LIPT1: variants seen among roughly 807,000 people sequenced by gnomAD.
The protein encoded by LIPT1 is lipoyltransferase 1.
A neutral mutation model predicts 25.1 loss-of-function variants in LIPT1; 22 were observed. The ratio of observed to expected loss-of-function variants is 0.88; its 90% confidence interval spans 0.63 to 1.25. The LOEUF (loss-of-function observed/expected upper bound fraction) is 1.25, where lower values mean the gene tolerates loss of function less well. Among genes scored for constraint, LIPT1 ranks in the 50% most tolerant of loss-of-function variants. The pLI is 0.00. For missense variants in LIPT1, 399 were observed against 432.8 expected, an observed-to-expected ratio of 0.92 and a Z score of 0.69; for synonymous variants, 131 against 150.8, an observed-to-expected ratio of 0.87 and a Z score of 0.96.
chr2:99,158,034 A>G (rs1553514895), intron 1 of LIPT1, among the ~76,000 whole-genome samples: 1 of 152,222 alleles, frequency 6.6e-6, no homozygotes, highest in Admixed American at 6.5e-5. Flanking sequence ...CTTTATATGT[A>G]TTAGCTCATC....
chr2:99,156,151 G>A (rs2093750684), intron 1 of LIPT1: 1 of 152,598 alleles, frequency 6.6e-6, no homozygotes, highest in Non-Finnish European at 1.5e-5. Context: ...TACGTGTTCA[G>A]GTGCTTAGAA....
At chr2:99,156,764 C>T (rs1232975823) in intron 1 of LIPT1, 1 of 152,208 alleles carries the variant, frequency 6.6e-6, no homozygotes, top group African/African-American at 2.4e-5. Context: ...CATGCATTGG[C>T]TCAATACATG....
rs943173715 is a variant in LIPT1 at position 99,155,013 on chromosome 2, G to C, written c.-40G>C. The C allele has an allele frequency of 1.1e-5, 5 of 455,892 alleles. No individual in the cohort carries two copies. Among genetic ancestry groups the C allele is most frequent in the South Asian group, 1.5e-5 (1 of 64,564 alleles). The allele number at this position is 455,892 out of a possible 1,614,324, so 28.2% of individuals were successfully genotyped here. On this transcript the variant is annotated 5_prime_UTR_variant, in exon 1 of 2. Transcript: ENST00000651691. The stretch of plus-strand genomic sequence containing the variant: ...GTCGTATGACGCACTTTTCCAGCTC[G>C]AGCCCTCACGAGGCCGTGGGTACGA...
rs576171217 is a variant in LIPT1, at chr2:99,162,927, C to T, written c.970C>T (p.Arg324Cys). The change falls in exon 2 of 2, where the codon CGT becomes TGT. Residue 324 changes from arginine to cysteine, a missense_variant. Coordinates refer to ENST00000651691, the MANE Select transcript of LIPT1 (RefSeq NM_145199.3). ...TGATCATTGGTTGCCATTGGAAATA[C>T]GTGACAAATTAAATTCAAGTCTTAT... ...APDHWLPLEIRDKLNSSLIGS... is the reference protein window; with the variant it reads ...APDHWLPLEICDKLNSSLIGS... The T allele has an allele frequency of 5.1e-5, 82 of 1,613,646 alleles. No homozygotes were observed. The highest frequency in any genetic ancestry group is 5.0e-4 in the Admixed American group (30 of 59,896).
chr2:99,158,963 C>T (rs1044984175), intron 1 of LIPT1, among the ~76,000 whole-genome samples: 1 of 152,152 alleles, frequency 6.6e-6, no homozygotes, highest in African/African-American at 2.4e-5. Flanking sequence ...GAGTCTTGCT[C>T]TGTCGCCCAG....
intron 1 of LIPT1, among the ~76,000 whole-genome samples, chr2:99,159,995 T>C (rs2093776168): frequency 6.6e-6 from 1 of 152,220 alleles, no homozygotes; most frequent in African/African-American, 2.4e-5. Flanking sequence ...TCCACACCTT[T>C]CTAGACAGAA....
Position 99,162,112 on chromosome 2 carries a change from A to G in LIPT1, c.155A>G (p.His52Arg). ...AATCTGGCTGTGGAAGACTGGATCCATGACCATATGAATCTAGAAGGCAAA... is the reference window on the plus strand; with the variant it reads ...AATCTGGCTGTGGAAGACTGGATCCGTGACCATATGAATCTAGAAGGCAAA... Reference protein sequence around the residue: ...YQNLAVEDWIHDHMNLEGKPI... With the variant: ...YQNLAVEDWIRDHMNLEGKPI... Residue 52 changes from histidine (H) to arginine (R), a missense_variant, in exon 2 of 2, where the codon CAT becomes CGT. Physicochemically the swap from His to Arg is conservative, Grantham distance 29. Transcript: ENST00000651691. 1 of 1,614,204 alleles carries G rather than the reference A, an allele frequency of 6.2e-7. No homozygotes were observed. The highest frequency in any genetic ancestry group is 8.5e-7 in the Non-Finnish European group (1 of 1,180,032).
chr2:99,158,717 C>T (rs1437303443), intron 1 of LIPT1, among the ~76,000 whole-genome samples: 1 of 152,190 alleles, frequency 6.6e-6, no homozygotes, highest in Non-Finnish European at 1.5e-5. Flanking sequence ...TAAGCTGTTG[C>T]ACATTGTTAG....
At position 99,162,932 on chromosome 2, in the gene LIPT1, C is replaced by A. The variant is rs367616971; in HGVS notation, c.975C>A (p.Asp325Glu). ...ATTGGTTGCCATTGGAAATACGTGA[C>A]AAATTAAATTCAAGTCTTATTGGCA... Reference protein sequence around the residue: ...PDHWLPLEIRDKLNSSLIGSK... With the variant: ...PDHWLPLEIREKLNSSLIGSK... The change falls in exon 2 of 2, where the codon GAC becomes GAA. Residue 325 changes from aspartate (D) to glutamate (E), a missense_variant. By Grantham distance (45) the Asp-to-Glu change is conservative (BLOSUM62 2). Transcript: ENST00000651691. 1.9e-6 allele frequency: 3 copies of A among 1,613,602 alleles called. No homozygotes were observed. The highest frequency in any genetic ancestry group is 2.7e-5 in the African/African-American group (2 of 74,974).
At chr2:99,159,316 G>A (rs2093771534) in intron 1 of LIPT1, among the ~76,000 whole-genome samples, 1 of 152,200 alleles carries the variant, frequency 6.6e-6, no homozygotes, top group Non-Finnish European at 1.5e-5. Context: ...GCCTGCCTCG[G>A]CCTCCCAGAG....
intron 1 of LIPT1, chr2:99,155,488 G>A (rs576746325): frequency 8.8e-6 from 4 of 456,126 alleles, no homozygotes; most frequent in South Asian, 6.2e-5. Flanking sequence ...TCAGTTCAGT[G>A]ATGGGGAGCC....
In LIPT1 at chr2:99,155,028, C is replaced by T. The variant is rs2093735203; in HGVS notation, c.-25C>T. 1 of 455,874 alleles carries T rather than the reference C, an allele frequency of 2.2e-6. No homozygotes were observed. Among genetic ancestry groups the T allele is most frequent in the Non-Finnish European group, 4.4e-6 (1 of 226,800 alleles). The allele number at this position is 455,874 out of a possible 1,614,324, so 28.2% of individuals were successfully genotyped here. A position where few individuals can be genotyped will look rare whatever the true frequency, so the allele number is the denominator to read the frequency against. On this transcript the variant is annotated 5_prime_UTR_variant, in exon 1 of 2. Transcript: ENST00000651691. ...TTTCCAGCTCGAGCCCTCACGAGGC[C>T]GTGGGTACGACCGGAAGCCGCAGGT...
At chr2:99,155,383 A>G in intron 1 of LIPT1, 1 of 423,976 alleles carries the variant, frequency 2.4e-6, no homozygotes. Flanking sequence ...GTTGTATATC[A>G]TTAGAGAGGG....
At chr2:99,157,940 C>T (rs1282966801) in intron 1 of LIPT1, among the ~76,000 whole-genome samples, 1 of 152,158 alleles carries the variant, frequency 6.6e-6, no homozygotes, top group African/African-American at 2.4e-5. Flanking sequence ...ACCTCTTTGC[C>T]AGGCCAGAAA....
At chr2:99,156,808 C>T (rs1168133696) in intron 1 of LIPT1, 1 of 152,216 alleles carries the variant, frequency 6.6e-6, no homozygotes, top group Non-Finnish European at 1.5e-5. Context: ...AACAAGATCA[C>T]ATTTTTGACC....
Position 99,162,384 on chromosome 2 carries a change from C to T in LIPT1, c.427C>T (p.Gln143Ter), listed in dbSNP as rs1350484587. ...IVRALNAVQPQLDVQATKRFD... is the reference protein window; with the variant it reads ...IVRALNAVQP ...GAGAGCTCTGAATGCTGTCCAACCC[C>T]AGCTGGATGTGCAGGCTACCAAAAG... The change falls in exon 2 of 2, where the codon CAG becomes TAG. Residue 143 changes from glutamine to a stop codon, truncating the protein, a stop_gained. Transcript: ENST00000651691. LOFTEE classifies it high-confidence loss of function. 1.2e-6 allele frequency: 2 copies of T among 1,613,814 alleles called. No individual in the cohort carries two copies. The highest frequency in any genetic ancestry group is 1.7e-5 in the Admixed American group (1 of 60,002).
chr2:99,160,274 G>A (rs925179361), intron 1 of LIPT1, among the ~76,000 whole-genome samples: 4 of 152,148 alleles, frequency 2.6e-5, no homozygotes, highest in Admixed American at 6.6e-5. Context: ...CAGGCATGGT[G>A]GCGCATACCT....
chr2:99,161,721 T>C (rs1053348843), intron 1 of LIPT1: 1 of 436,692 alleles, frequency 2.3e-6, no homozygotes, highest in Non-Finnish European at 4.0e-6. Flanking sequence ...AGCAGACTTA[T>C]TGTTTGAAAA....
At chr2:99,155,251 C>G in intron 1 of LIPT1, 200 bp downstream of exon 1, 1 of 368,728 alleles carries the variant, frequency 2.7e-6, no homozygotes. Context: ...AACGGTTGAT[C>G]CCGAACACAG....
Sources: allele counts gnomAD v4.1 joint callset (sites outside exome capture counted in the v4.1 genomes callset), GRCh38; gene constraint gnomAD v4.1.1; transcripts MANE v1.5; gene names NCBI Gene and HGNC (gene_info 2026-07-23, HGNC 2026-07-21).